Variants in DOCK8 observed in about 807,000 individuals in gnomAD.
DOCK8 encodes dedicator of cytokinesis 8, also known as dedicator of cytokinesis protein 8.
In DOCK8, 141 loss-of-function variants were observed where a neutral mutation model predicts 245.6. The observed-to-expected ratio is 0.57, with a 90% CI of 0.50 to 0.66. The LOEUF (loss-of-function observed/expected upper bound fraction) is 0.66. Ranked by LOEUF, DOCK8 falls within the 30% of genes least tolerant of loss-of-function variation. The pLI is 0.00. For missense variants in DOCK8, 2,965 were observed against 2,603.4 expected, an observed-to-expected ratio of 1.14 and a Z score of -3.02; for synonymous variants, 1,168 against 970.2, an observed-to-expected ratio of 1.20 and a Z score of -3.79.
intron 2 of DOCK8, among the ~76,000 whole-genome samples, chr9:285,974 G>C (rs1294865723): frequency 6.6e-6 from 1 of 152,080 alleles, no homozygotes; most frequent in Non-Finnish European, 1.5e-5. Flanking sequence ...AAGTGCTTTC[G>C]AGAACCAATG....
intron 24 of DOCK8, 51 bp from the exon 25 acceptor site, chr9:396,734 C>T (rs375143968): frequency 6.2e-7 from 1 of 1,610,934 alleles, no homozygotes; most frequent in Non-Finnish European, 8.5e-7. Context: ...CTGCATTGTA[C>T]AAGCAGGTCA....
chr9:369,847 G>C, intron 15 of DOCK8: 1 of 260,442 alleles, frequency 3.8e-6, no homozygotes, highest in Non-Finnish European at 7.5e-6. Flanking sequence ...TCTTGCCCAG[G>C]CTGGGGTGCA....
At chr9:424,101 A>G (rs1402912580) in intron 33 of DOCK8, among the ~76,000 whole-genome samples, 4 of 151,168 alleles carry the variant, frequency 2.6e-5, no homozygotes, top group African/African-American at 9.8e-5. Context: ...TAGTAAAATT[A>G]TAACTGTTCA....
At position 441,766 on chromosome 9, in the gene DOCK8, A is replaced by G. The variant is rs973807018; in HGVS notation, c.5356-109A>G. 6.3e-5 allele frequency: 87 copies of G among 1,384,622 alleles called. No individual in the cohort carries two copies. In the Middle Eastern group the frequency reaches 2.0e-3, roughly 33 times the overall value. The allele number at this position is 1,384,622 out of a possible 1,614,324, so 85.8% of individuals were successfully genotyped here. A position where few individuals can be genotyped will look rare whatever the true frequency, so the allele number is the denominator to read the frequency against. On this transcript the variant is annotated intron_variant, in intron 41 of 47. Transcript: ENST00000432829. ...GGAGTAATTTCTGTTTACATCAGCCATAGGAGTAAAATGCTTTGTTAACAC... is the reference window on the plus strand; with the variant it reads ...GGAGTAATTTCTGTTTACATCAGCCGTAGGAGTAAAATGCTTTGTTAACAC...
intron 8 of DOCK8, 115 bp downstream of exon 8, chr9:325,852 T>C: frequency 2.0e-6 from 2 of 980,206 alleles, no homozygotes; most frequent in Non-Finnish European, 3.3e-6. Context: ...AAGCAAATGA[T>C]CTTTGATGAG....
chr9:451,944 T>TATAC lies in DOCK8; in HGVS notation c.5962-67_5962-66insATAC, dbSNP rs1491330220. ...ATATATATGTATGTGTATATATATA[T>TATAC]GTGTGTGTGTGTATATATATATATA... On this transcript the variant is annotated intron_variant, in intron 45 of 47. Coordinates refer to ENST00000432829, the MANE Select transcript of DOCK8 (RefSeq NM_203447.4). 38 of 233,422 alleles carry TATAC rather than the reference T, an allele frequency of 1.6e-4. No individual in the cohort carries two copies. The African/African-American group carries it at 1.9e-3, about 12-fold the overall frequency. The allele number at this position is 233,422 out of a possible 1,614,324, so 14.5% of individuals were successfully genotyped here. A position where few individuals can be genotyped will look rare whatever the true frequency, so the allele number is the denominator to read the frequency against.
At chr9:325,564 C>T (rs558307715) in intron 7 of DOCK8, 107 bp from the exon 8 acceptor site, 15 of 904,108 alleles carry the variant, frequency 1.7e-5, no homozygotes, top group Admixed American at 3.5e-5. Context: ...CCAAATATTT[C>T]GGGAAACTGC....
chr9:429,326 A>G (rs2056620945), intron 35 of DOCK8, among the ~76,000 whole-genome samples: 2 of 152,220 alleles, frequency 1.3e-5, no homozygotes, highest in African/African-American at 4.8e-5. Context: ...TTTTAAATTT[A>G]AAAAGTAAAA....
chr9:325,602 A>T, intron 7 of DOCK8, 69 bp from the exon 8 acceptor site: 1 of 1,245,506 alleles, frequency 8.0e-7, no homozygotes, highest in Non-Finnish European at 1.2e-6. Flanking sequence ...TTATCTATCT[A>T]GGTGTTTTCA....
At chr9:245,798 G>C (rs1587654106) in intron 1 of DOCK8, among the ~76,000 whole-genome samples, 1 of 152,176 alleles carries the variant, frequency 6.6e-6, no homozygotes, top group East Asian at 1.9e-4. Context: ...GCAGAATAGA[G>C]ATGCAAACCA....
Position 418,132 on chromosome 9 carries a change from T to C in DOCK8, c.3765T>C (p.Ile1255=). 6.2e-7 allele frequency: 1 copy of C among 1,614,250 alleles called. No individual in the cohort carries two copies. The highest frequency in any genetic ancestry group is 8.5e-7 in the Non-Finnish European group (1 of 1,180,044). The change falls in exon 30 of 48, where the codon ATT becomes ATC. Residue 1255 remains isoleucine, a synonymous_variant. Transcript: ENST00000432829. ...AAGAACAAGAAGGAGCCGGTGCCATTAACCAGAATGTGGCTCTGGCCATAG... is the reference window on the plus strand; with the variant it reads ...AAGAACAAGAAGGAGCCGGTGCCATCAACCAGAATGTGGCTCTGGCCATAG... The part of the protein sequence containing the change: ...SDEEQEGAGA[I]NQNVALAIAG...
rs2057109067 is a variant in DOCK8 at position 442,012 on chromosome 9, A to T, written c.5490+3A>T. The T allele has an allele frequency of 6.2e-7, 1 of 1,613,850 alleles. No individual in the cohort carries two copies. The highest frequency in any genetic ancestry group is 1.3e-5 in the African/African-American group (1 of 74,922). On this transcript the variant is annotated splice_donor_region_variant and intron_variant, in intron 42 of 47. Coordinates refer to ENST00000432829, the MANE Select transcript of DOCK8 (RefSeq NM_203447.4). ...CTGAGATCTCACATAGACTAGAGGT[A>T]AGAAAAGTGATTCTGTGCGCCTGAC...
At chr9:457,899 A>G (rs974882342) in intron 46 of DOCK8, among the ~76,000 whole-genome samples, 1 of 152,170 alleles carries the variant, frequency 6.6e-6, no homozygotes, top group Non-Finnish European at 1.5e-5. Flanking sequence ...CTTATCACCC[A>G]CACATCACAG....
In DOCK8 at chr9:332,489, T is replaced by C. The variant is rs1485286997; in HGVS notation, c.1125+11T>C. 4 of 1,591,532 alleles carry C rather than the reference T, an allele frequency of 2.5e-6. No homozygotes were observed. Among genetic ancestry groups the C allele is most frequent in the Admixed American group, 1.7e-5 (1 of 59,988 alleles). On this transcript the variant is annotated intron_variant, in intron 10 of 47. Coordinates refer to ENST00000432829, the MANE Select transcript of DOCK8 (RefSeq NM_203447.4). ...AGTGATGGTGGAAAGGTATGGTAAT[T>C]TGAGTGTTGTTAAATGGAGACATCT...
intron 9 of DOCK8, among the ~76,000 whole-genome samples, chr9:329,272 AAAC>A (rs1366730069): frequency 2.0e-5 from 3 of 152,048 alleles, no homozygotes; most frequent in African/African-American, 7.2e-5. Flanking sequence ...TGTAAAAACA[AAAC>A]AACAAATTCA....
intron 33 of DOCK8, among the ~76,000 whole-genome samples, chr9:424,529 C>A (rs1169456281): frequency 1.3e-5 from 2 of 152,122 alleles, no homozygotes; most frequent in Non-Finnish European, 2.9e-5. Context: ...CCCACCTCAG[C>A]CTCCCAAGTA....
rs1251808468 is a variant in DOCK8 at position 399,057 on chromosome 9, C to A, written c.3121-89C>A. On this transcript the variant is annotated intron_variant, in intron 25 of 47. Transcript: ENST00000432829. ...AAGGACAGTGGCTGAAATAATAGGA[C>A]CTGTCTCTCCCAATGTTCCCACCAG... 8.3e-6 allele frequency: 10 copies of A among 1,199,478 alleles called. No homozygotes were observed. The African/African-American group carries it at 1.2e-4, about 14-fold the overall frequency. The allele number at this position is 1,199,478 out of a possible 1,614,324, so 74.3% of individuals were successfully genotyped here.
Position 271,746 on chromosome 9 carries a change from G to A in DOCK8, c.156+17G>A. On this transcript the variant is annotated intron_variant, in intron 2 of 47. Coordinates refer to ENST00000432829, the MANE Select transcript of DOCK8 (RefSeq NM_203447.4). ...CTTCAACTAGTAAGTATGAGTTCCA[G>A]GTTTACTTAGCGATTGGTCAAGTGC... The A allele has an allele frequency of 1.3e-6, 2 of 1,532,394 alleles. No individual in the cohort carries two copies. The highest frequency in any genetic ancestry group is 2.0e-5 in the Admixed American group (1 of 50,552). 94.9% of individuals were successfully genotyped at this position (1,532,394 alleles called of 1,614,324 possible). A position where few individuals can be genotyped will look rare whatever the true frequency, so the allele number is the denominator to read the frequency against.
At chr9:212,915 G>A (rs923243851), upstream of DOCK8, 1 of 152,160 alleles carries the variant, frequency 6.6e-6, no homozygotes, top group African/African-American at 2.4e-5. Context: ...AAATTCAGAG[G>A]AGTTCATCCG....
Sources: allele counts gnomAD v4.1 joint callset (sites outside exome capture counted in the v4.1 genomes callset), GRCh38; gene constraint gnomAD v4.1.1; transcripts MANE v1.5; gene names NCBI Gene and HGNC (gene_info 2026-07-23, HGNC 2026-07-21).